CHN2: variants seen among roughly 807,000 people sequenced by gnomAD.
CHN2 encodes chimerin 2.
A neutral mutation model predicts 56.3 loss-of-function variants in CHN2; 35 were observed. That is an observed-to-expected ratio of 0.62 (90% CI 0.47 to 0.82). The LOEUF (loss-of-function observed/expected upper bound fraction) is 0.82, where lower values mean the gene tolerates loss of function less well. Among genes scored for constraint, CHN2 ranks in the 40% least tolerant of loss-of-function variants. The pLI is 0.00. For synonymous variants in CHN2, 210 were observed against 212.8 expected (o/e 0.99, Z 0.12); for missense variants, 491 against 580.5 (o/e 0.85, Z 1.58).
At position 29,506,350 on chromosome 7, in the gene CHN2, A is replaced by G. The variant is rs901056336; in HGVS notation, c.992-878A>G. Among the ~76,000 whole-genome samples, 52 of 152,310 alleles carry G rather than the reference A, an allele frequency of 3.4e-4. 1 individual carries two copies. The highest frequency in any genetic ancestry group is 1.1e-3 in the African/African-American group (46 of 41,574). ...AAAGTGCTGAAGTGAAATAACTGTC[A>G]AAATAGGCCAGGCGTGGTGGCTCAC... On this transcript the variant is annotated intron_variant, in intron 10 of 12. Coordinates refer to ENST00000222792, the MANE Select transcript of CHN2 (RefSeq NM_004067.4).
intron 1 of CHN2, among the ~76,000 whole-genome samples, chr7:29,298,615 C>G (rs752215124): frequency 4.6e-5 from 7 of 152,184 alleles, no homozygotes; most frequent in Non-Finnish European, 1.0e-4. Context: ...AATGGGCATC[C>G]TATTTATCCC....
chr7:29,305,840 T>C (rs1178868513), intron 1 of CHN2, among the ~76,000 whole-genome samples: 7 of 70,234 alleles, frequency 1.0e-4, no homozygotes, highest in Admixed American at 4.2e-4. Flanking sequence ...TCCTCCTCCT[T>C]TTCCTTTCTC....
At chr7:29,441,995 A>G (rs1783682249) in intron 6 of CHN2, among the ~76,000 whole-genome samples, 1 of 152,206 alleles carries the variant, frequency 6.6e-6, no homozygotes, top group African/African-American at 2.4e-5. Context: ...TCATAACAGA[A>G]CTACCCATGG....
At chr7:29,453,305 C>T (rs941645032) in intron 6 of CHN2, among the ~76,000 whole-genome samples, 1 of 152,206 alleles carries the variant, frequency 6.6e-6, no homozygotes, top group Non-Finnish European at 1.5e-5. Context: ...CCACTCCCAC[C>T]CCCATAATCT....
At chr7:29,164,152 C>T (rs548352149) in intron 2 of CHN2, among the ~76,000 whole-genome samples, 14 of 152,194 alleles carry the variant, frequency 9.2e-5, no homozygotes, top group Admixed American at 7.9e-4. Context: ...TGCTCCATAT[C>T]CTTCCCAACA....
At position 29,238,015 on chromosome 7, in the gene CHN2, CT is replaced by C. The variant is rs11405147; in HGVS notation, c.49+43046del. On this transcript the variant is annotated intron_variant, in intron 1 of 12. Transcript: ENST00000222792. ...ACACTCATACTTTAATATGTATTCTCTTTTTTTTTTTTTTTTTTTTTAGAAG... is the reference window on the plus strand; with the variant it reads ...ACACTCATACTTTAATATGTATTCTCTTTTTTTTTTTTTTTTTTTTAGAAG... 2.7e-3 allele frequency among the ~76,000 whole-genome samples: 281 copies of C among 105,962 alleles called. 1 individual carries two copies. The highest frequency in any genetic ancestry group is 2.0e-3 in the Non-Finnish European group (112 of 55,718). 69.5% of individuals were successfully genotyped at this position (105,962 alleles called of 152,430 possible).
In CHN2 at chr7:29,383,762, T is replaced by G. The variant is rs995362654; in HGVS notation, c.145-9917T>G. ...GGTCTGGGAAGGTCCGACTGAGTTG[T>G]GTATGTTTGACCATGCAGCAGTGGG... On this transcript the variant is annotated intron_variant, in intron 3 of 12. Coordinates refer to ENST00000222792, the MANE Select transcript of CHN2 (RefSeq NM_004067.4). Among the ~76,000 whole-genome samples the G allele has an allele frequency of 6.6e-5, 10 of 152,274 alleles. No individual in the cohort carries two copies. The East Asian group carries it at 1.9e-3, about 29-fold the overall frequency.
At chr7:29,212,649 A>T in intron 1 of CHN2, 1 of 1,432,720 alleles carries the variant, frequency 7.0e-7, no homozygotes, top group Non-Finnish European at 9.9e-7. Context: ...TTTCAGAGAC[A>T]GAAATACCTT....
At chr7:29,292,570 C>G (rs895822636) in intron 1 of CHN2, among the ~76,000 whole-genome samples, 2 of 152,246 alleles carry the variant, frequency 1.3e-5, no homozygotes, top group African/African-American at 4.8e-5. Flanking sequence ...TAATGCTTTG[C>G]AATGCCAACA....
At chr7:29,214,862 G>T (rs570736896) in intron 1 of CHN2, among the ~76,000 whole-genome samples, 1 of 151,918 alleles carries the variant, frequency 6.6e-6, no homozygotes, top group South Asian at 2.1e-4. Context: ...TTCATAAAAC[G>T]TGAGTGCAGA....
At chr7:29,162,052 G>A (rs1795240370) in intron 2 of CHN2, among the ~76,000 whole-genome samples, 1 of 152,192 alleles carries the variant, frequency 6.6e-6, no homozygotes, top group Non-Finnish European at 1.5e-5. Context: ...CAGGGAAACT[G>A]GATCTCTCAG....
intron 1 of CHN2, among the ~76,000 whole-genome samples, chr7:29,273,063 T>C (rs1295840683): frequency 1.3e-5 from 2 of 152,054 alleles, no homozygotes; most frequent in African/African-American, 4.8e-5. Flanking sequence ...TTGTTCATCC[T>C]ACATATTTGC....
chr7:29,212,653 A>G, intron 1 of CHN2: 4 of 1,441,394 alleles, frequency 2.8e-6, no homozygotes, highest in Non-Finnish European at 3.9e-6. Context: ...AGAGACAGAA[A>G]TACCTTAGCC....
At chr7:29,394,654 C>G (rs1436540128) in intron 4 of CHN2, among the ~76,000 whole-genome samples, 1 of 152,240 alleles carries the variant, frequency 6.6e-6, no homozygotes, top group African/African-American at 2.4e-5. Context: ...CTCCGCTCCT[C>G]TCTACCCCAT....
intron 6 of CHN2, among the ~76,000 whole-genome samples, chr7:29,459,997 A>T (rs552953773): frequency 6.7e-6 from 1 of 149,378 alleles, no homozygotes; most frequent in African/African-American, 2.4e-5. Context: ...GCCCCTTTCC[A>T]AGGTGGCAGC....
At chr7:29,343,783 G>A (rs575156573) in intron 1 of CHN2, among the ~76,000 whole-genome samples, 63 of 151,682 alleles carry the variant, frequency 4.2e-4, no homozygotes, top group African/African-American at 1.5e-3. Flanking sequence ...TTCCCCCTGT[G>A]TCATGTCATC....
chr7:29,360,421 T>C (rs916144982), intron 2 of CHN2, among the ~76,000 whole-genome samples: 9 of 152,056 alleles, frequency 5.9e-5, no homozygotes, highest in Admixed American at 5.9e-4. Flanking sequence ...CTCGGGAGGC[T>C]GAGGCAGGAG....
At position 29,314,443 on chromosome 7, in the gene CHN2, A is replaced by G. The variant is rs137974784; in HGVS notation, c.50-40182A>G. On this transcript the variant is annotated intron_variant, in intron 1 of 12. Transcript: ENST00000222792. ...TGTTGCAGTTTTGCAGGATGAGGAG[A>G]GTTCTAAAGATTGGTCTCACAACCA... 3.9e-5 allele frequency among the ~76,000 whole-genome samples: 6 copies of G among 152,322 alleles called. No homozygotes were observed. The East Asian group carries it at 1.2e-3, about 29-fold the overall frequency.
At chr7:29,383,090 C>T (rs1364406201) in intron 3 of CHN2, among the ~76,000 whole-genome samples, 1 of 152,168 alleles carries the variant, frequency 6.6e-6, no homozygotes, top group Non-Finnish European at 1.5e-5. Context: ...AGGGCCAGGA[C>T]TGTTTTAGAC....
Sources: allele counts gnomAD v4.1 joint callset (sites outside exome capture counted in the v4.1 genomes callset), GRCh38; gene constraint gnomAD v4.1.1; transcripts MANE v1.5; gene names NCBI Gene and HGNC (gene_info 2026-07-23, HGNC 2026-07-21).